The following AP1B1 variants were observed in gnomAD, a reference collection of about 807,000 sequenced individuals.
The protein encoded by AP1B1 is AP-1 complex subunit beta-1.
In AP1B1, 36 loss-of-function variants were observed where a neutral mutation model predicts 104.3. That is an observed-to-expected ratio of 0.35 (90% CI 0.26 to 0.46). The LOEUF (loss-of-function observed/expected upper bound fraction) is 0.46, where lower values mean the gene tolerates loss of function less well. Ranked by LOEUF, AP1B1 falls within the 20% of genes least tolerant of loss-of-function variation. The pLI is 1.00. For missense variants in AP1B1, 901 were observed against 1,247.9 expected (o/e 0.72, Z 4.19); for synonymous variants, 504 against 517.5 (o/e 0.97, Z 0.35).
At chr22:29,364,673 C>G (rs768956486) in intron 2 of AP1B1, among the ~76,000 whole-genome samples, 7 of 151,128 alleles carry the variant, frequency 4.6e-5, no homozygotes, top group Non-Finnish European at 1.5e-5. Context: ...CTTGGTCTCC[C>G]AAAGCACTGG....
Position 29,330,361 on chromosome 22 carries a change from G to A in AP1B1, c.2766+17C>T. 1 of 1,612,438 alleles carries A rather than the reference G, an allele frequency of 6.2e-7. No homozygotes were observed. The highest frequency in any genetic ancestry group is 8.5e-7 in the Non-Finnish European group (1 of 1,179,474). Reference sequence around the variant, plus strand: ...GGGGAGGCTCCAAGGCTGCAGGGCGGGTGCCGGGGCTCTCACCGTGCAGCT... The same window carrying A: ...GGGGAGGCTCCAAGGCTGCAGGGCGAGTGCCGGGGCTCTCACCGTGCAGCT... On this transcript the variant is annotated intron_variant, in intron 21 of 22. Transcript: ENST00000357586.
intron 1 of AP1B1, among the ~76,000 whole-genome samples, chr22:29,372,918 G>C (rs2062264985): frequency 6.6e-6 from 1 of 152,154 alleles, no homozygotes; most frequent in Non-Finnish European, 1.5e-5. Flanking sequence ...CTCAAAATTG[G>C]TGACAACCTT....
At chr22:29,330,839 C>A (rs2061546987) in intron 19 of AP1B1, 130 bp from the exon 20 acceptor site, 2 of 742,220 alleles carry the variant, frequency 2.7e-6, no homozygotes, top group Non-Finnish European at 4.5e-6. Flanking sequence ...CTAGCTGCCG[C>A]ACAGCCCTCC....
At chr22:29,382,023 A>G (rs1349215080) in intron 1 of AP1B1, among the ~76,000 whole-genome samples, 1 of 149,862 alleles carries the variant, frequency 6.7e-6, no homozygotes, top group Non-Finnish European at 1.5e-5. Flanking sequence ...AAAAGAAACA[A>G]AAAAAAAATA....
At chr22:29,356,084 T>G (rs2061953108) in intron 6 of AP1B1, among the ~76,000 whole-genome samples, 1 of 152,174 alleles carries the variant, frequency 6.6e-6, no homozygotes, top group African/African-American at 2.4e-5. Flanking sequence ...GACTCTAAAG[T>G]GTGGAAAGCA....
chr22:29,373,013 T>C (rs1420412495), intron 1 of AP1B1, among the ~76,000 whole-genome samples: 1 of 152,212 alleles, frequency 6.6e-6, no homozygotes, highest in Non-Finnish European at 1.5e-5. Flanking sequence ...AGCCGGGTGT[T>C]GTGGGTCACA....
At position 29,330,405 on chromosome 22, in the gene AP1B1, C is replaced by T. The variant is rs1365266857; in HGVS notation, c.2739G>A (p.Arg913=). Residue 913 remains arginine, a synonymous_variant, in exon 21 of 23, where the codon CGG becomes CGA. Coordinates refer to ENST00000357586, the MANE Select transcript of AP1B1 (RefSeq NM_001127.4). ...TGCAGCTGGGGTTGCCCGGCTGGAT[C>T]CGCAGCTCCGCCAGCACCCAGATGC... ...TNGIWVLAEL[R]IQPGNPSCTD... is the part of the protein sequence containing the mutation. 1 of 1,613,530 alleles carries T rather than the reference C, an allele frequency of 6.2e-7. No homozygotes were observed. Among genetic ancestry groups the T allele is most frequent in the African/African-American group, 1.3e-5 (1 of 74,950 alleles).
rs1479347441 is a variant in AP1B1, at chr22:29,358,824, C to T, written c.427G>A (p.Val143Met). Residue 143 changes from valine to methionine, a missense_variant, in exon 5 of 23, where the codon GTG (valine) becomes ATG (methionine). Transcript: ENST00000357586. Reference sequence around the variant, plus strand: ...ATGTCGTGGAGCTTGGCCACGCACACAGCTGCTGTCTTGCGCACATATGGA... The same window carrying T: ...ATGTCGTGGAGCTTGGCCACGCACATAGCTGCTGTCTTGCGCACATATGGA... ...EDPYVRKTAAVCVAKLHDINA... is the reference protein window; with the variant it reads ...EDPYVRKTAAMCVAKLHDINA... 6.2e-7 allele frequency: 1 copy of T among 1,614,260 alleles called. No homozygotes were observed. The highest frequency in any genetic ancestry group is 1.7e-5 in the Admixed American group (1 of 60,024).
At position 29,354,642 on chromosome 22, in the gene AP1B1, C is replaced by A; in HGVS notation, c.938+8G>T. ...TACGCATGGACGTGCGTGTGGTGAC[C>A]TCAGTACCTTTTCTGCACGATGAGA... On this transcript the variant is annotated splice_region_variant and intron_variant, in intron 7 of 22. Coordinates refer to ENST00000357586, the MANE Select transcript of AP1B1 (RefSeq NM_001127.4). The A allele has an allele frequency of 6.2e-7, 1 of 1,613,828 alleles. No homozygotes were observed. Among genetic ancestry groups the A allele is most frequent in the Non-Finnish European group, 8.5e-7 (1 of 1,179,852 alleles).
chr22:29,360,069 G>C, intron 3 of AP1B1, 110 bp from the exon 4 acceptor site: 1 of 1,191,386 alleles, frequency 8.4e-7, no homozygotes, highest in East Asian at 2.5e-5. Flanking sequence ...AGAAAGGAGA[G>C]ACACACTGGA....
intron 1 of AP1B1, among the ~76,000 whole-genome samples, chr22:29,380,025 G>A (rs967165080): frequency 7.2e-5 from 11 of 152,242 alleles, no homozygotes; most frequent in African/African-American, 1.7e-4. Context: ...AGGAGCAGAC[G>A]AGGCTAGGGA....
At chr22:29,344,392 C>G (rs1423918677) in intron 11 of AP1B1, among the ~76,000 whole-genome samples, 5 of 152,158 alleles carry the variant, frequency 3.3e-5, no homozygotes, top group Non-Finnish European at 5.9e-5. Flanking sequence ...TCAACACACT[C>G]AGGCCGTTAG....
chr22:29,373,279 GA>G, intron 1 of AP1B1, among the ~76,000 whole-genome samples: 1 of 151,804 alleles, frequency 6.6e-6, no homozygotes, highest in Admixed American at 6.6e-5. Flanking sequence ...CTCAAAAAAA[GA>G]AAAAAAGAGT....
rs1328670446 is a variant in AP1B1, at chr22:29,341,693, A to G, written c.1604T>C (p.Val535Ala). 2 of 1,613,996 alleles carry G rather than the reference A, an allele frequency of 1.2e-6. No individual in the cohort carries two copies. The highest frequency in any genetic ancestry group is 1.7e-6 in the Non-Finnish European group (2 of 1,179,996). Reference sequence around the variant, plus strand: ...AGCCAACACCACCTCCTTGGCTGCCACCGGGTCCGTGGACAGCAGGCGCCA... The same window carrying G: ...AGCCAACACCACCTCCTTGGCTGCCGCCGGGTCCGTGGACAGCAGGCGCCA... ...IYWRLLSTDP[V>A]AAKEVVLAEK... The change falls in exon 13 of 23, where the codon GTG (valine) becomes GCG (alanine). Residue 535 changes from valine to alanine, a missense_variant. Around this residue, in one of 3 missense-constraint regions of AP1B1, gnomAD observed 471 missense variants for 696.7 expected, o/e 0.68. Transcript: ENST00000357586.
At chr22:29,360,337 A>C (rs2062026422) in intron 3 of AP1B1, among the ~76,000 whole-genome samples, 1 of 152,166 alleles carries the variant, frequency 6.6e-6, no homozygotes, top group Admixed American at 6.5e-5. Flanking sequence ...ACAGAAACTC[A>C]CTTCACAGGG....
intron 21 of AP1B1, chr22:29,330,046 G>A (rs764590905): frequency 2.8e-5 from 40 of 1,408,388 alleles, no homozygotes; most frequent in Non-Finnish European, 3.5e-5. Context: ...AGCTGGACAT[G>A]CAGGCACTCA....
At position 29,349,391 on chromosome 22, in the gene AP1B1, A is replaced by C. The variant is rs757651508; in HGVS notation, c.1272-8T>G. The stretch of plus-strand genomic sequence containing the variant: ...GCAATCACACTCTCATACCTGGGAG[A>C]CCAGGGCACAGTTGGTATGGGAGCC... On this transcript the variant is annotated splice_region_variant and splice_polypyrimidine_tract_variant and intron_variant, in intron 10 of 22. Transcript: ENST00000357586. 3.7e-6 allele frequency: 6 copies of C among 1,613,206 alleles called. No individual in the cohort carries two copies. In the East Asian group the frequency reaches 1.1e-4, roughly 30 times the overall value.
At chr22:29,347,893 T>C (rs1251260146) in intron 11 of AP1B1, among the ~76,000 whole-genome samples, 1 of 152,230 alleles carries the variant, frequency 6.6e-6, no homozygotes, top group East Asian at 1.9e-4. Flanking sequence ...CAGATGTGCA[T>C]TACACAGGTT....
intron 16 of AP1B1, among the ~76,000 whole-genome samples, chr22:29,336,941 G>T (rs1435732386): frequency 1.3e-5 from 2 of 152,344 alleles, no homozygotes; most frequent in South Asian, 2.1e-4. Context: ...AGTCTTTGCT[G>T]TTCTCTGTCC....
Sources: allele counts gnomAD v4.1 joint callset (sites outside exome capture counted in the v4.1 genomes callset), GRCh38; gene constraint gnomAD v4.1.1; regional missense constraint gnomAD v4.1.1; transcripts MANE v1.5; gene names NCBI Gene and HGNC (gene_info 2026-07-23, HGNC 2026-07-21).